BIRC6: variants seen among roughly 807,000 people sequenced by gnomAD.
The protein encoded by BIRC6 is baculoviral IAP repeat containing 6.
A neutral mutation model predicts 503.3 loss-of-function variants in BIRC6; 98 were observed. The ratio of observed to expected loss-of-function variants is 0.19; its 90% CI spans 0.17 to 0.23. The LOEUF is 0.23. Ranked by LOEUF, BIRC6 falls within the 10% of genes least tolerant of loss-of-function variation. BIRC6 has a pLI of 1.00. For synonymous variants in BIRC6, 2,240 were observed against 2,078.7 expected (o/e 1.08, Z -2.11); for missense variants, 5,360 against 5,806.0 (o/e 0.92, Z 2.50).
At chr2:32,551,006 C>G (rs1374340878) in intron 65 of BIRC6, among the ~76,000 whole-genome samples, 1 of 151,972 alleles carries the variant, frequency 6.6e-6, no homozygotes, top group Non-Finnish European at 1.5e-5. Flanking sequence ...AATTTGGTAA[C>G]TTGTCCAGTG....
Position 32,415,477 on chromosome 2 carries a change from A to C in BIRC6, c.2186A>C (p.Glu729Ala), listed in dbSNP as rs2042290801. The change falls in exon 10 of 74, where the codon GAG becomes GCG. Residue 729 changes from glutamate to alanine, a missense_variant. Around this residue, in one of 16 missense-constraint regions of BIRC6, gnomAD observed 700 missense variants for 739.3 expected, o/e 0.95. Transcript: ENST00000421745. ...AGGCTGCCAAAGTTTGCAGAGGAGGAGAATCTTTGTATAGACTCAATAACT... is the reference window on the plus strand; with the variant it reads ...AGGCTGCCAAAGTTTGCAGAGGAGGCGAATCTTTGTATAGACTCAATAACT... Reference protein sequence around the residue: ...CLRLPKFAEEENLCIDSITPC... With the variant: ...CLRLPKFAEEANLCIDSITPC... The C allele has an allele frequency of 6.2e-7, 1 of 1,613,832 alleles. No individual in the cohort carries two copies. The highest frequency in any genetic ancestry group is 8.5e-7 in the Non-Finnish European group (1 of 1,179,900).
chr2:32,398,804 AGGT>A (rs2040271309), intron 6 of BIRC6, among the ~76,000 whole-genome samples: 1 of 152,140 alleles, frequency 6.6e-6, no homozygotes, highest in African/African-American at 2.4e-5. Context: ...GAAAGGGGTA[AGGT>A]ACGCTAGATT....
intron 55 of BIRC6, among the ~76,000 whole-genome samples, chr2:32,516,958 A>C (rs1031101223): frequency 1.3e-5 from 2 of 152,206 alleles, no homozygotes; most frequent in African/African-American, 4.8e-5. Flanking sequence ...AATAGTGCTC[A>C]TTCAAGTCAA....
At chr2:32,525,695 C>T in intron 59 of BIRC6, 67 bp downstream of exon 59, 1 of 1,462,942 alleles carries the variant, frequency 6.8e-7, no homozygotes, top group Non-Finnish European at 9.2e-7. Flanking sequence ...AAATCAGAGG[C>T]ACAGTCACCA....
chr2:32,478,807 A>G lies in BIRC6; in HGVS notation c.7241A>G (p.Asp2414Gly). 1.2e-6 allele frequency: 2 copies of G among 1,612,490 alleles called. No individual in the cohort carries two copies. The highest frequency in any genetic ancestry group is 1.7e-6 in the Non-Finnish European group (2 of 1,179,492). The change falls in exon 36 of 74, where the codon GAT becomes GGT. Residue 2414 changes from aspartate to glycine, a missense_variant. Asp to Gly is a moderately conservative substitution (Grantham distance 94). This residue lies in a region of BIRC6 where 2,299 missense variants were observed against 2,267.2 expected (regional missense o/e 1.01). Transcript: ENST00000421745. ...AQYSLTCMLQ[D>G]ILAGELLAPV... ...TATTCCTTAACTTGCATGCTACAAG[A>G]TATTTTAGCAGGTGTGTTAGGATTT... is the stretch of plus-strand genomic sequence containing the variant.
chr2:32,546,473 G>A (rs952276076), intron 63 of BIRC6, among the ~76,000 whole-genome samples: 1 of 151,902 alleles, frequency 6.6e-6, no homozygotes, highest in Admixed American at 6.6e-5. Context: ...CCAGCTACTC[G>A]GGAGGCTGAG....
At chr2:32,446,771 T>TTAA (rs1491460454) in intron 21 of BIRC6, among the ~76,000 whole-genome samples, 1 of 110,672 alleles carries the variant, frequency 9.0e-6, no homozygotes, top group Non-Finnish European at 1.9e-5. Context: ...TTTTTTTTTT[T>TTAA]ATTGATCATT....
chr2:32,557,865 GTCT>G (rs2058890381), intron 65 of BIRC6: 1 of 152,160 alleles, frequency 6.6e-6, no homozygotes, highest in Non-Finnish European at 1.5e-5. Context: ...CCCAGAAAAT[GTCT>G]TCATCTAGAG....
chr2:32,427,724 G>A (rs749137420), intron 10 of BIRC6, among the ~76,000 whole-genome samples: 1 of 151,946 alleles, frequency 6.6e-6, no homozygotes, highest in South Asian at 2.1e-4. Context: ...TCTGAAGTCC[G>A]AGAAGACATT....
intron 65 of BIRC6, among the ~76,000 whole-genome samples, chr2:32,561,527 A>G (rs1295693789): frequency 6.6e-6 from 1 of 151,960 alleles, no homozygotes; most frequent in African/African-American, 2.4e-5. Context: ...GGCATGAGCC[A>G]CTGTGCCCGC....
At chr2:32,389,604 T>G (rs1380825057) in intron 4 of BIRC6, among the ~76,000 whole-genome samples, 1 of 152,254 alleles carries the variant, frequency 6.6e-6, no homozygotes, top group Non-Finnish European at 1.5e-5. Flanking sequence ...ACGATTGAGG[T>G]TCTTACAAAA....
intron 29 of BIRC6, 80 bp downstream of exon 29, chr2:32,468,863 ATATTTTC>A: frequency 9.2e-7 from 1 of 1,086,410 alleles, no homozygotes; most frequent in Admixed American, 3.1e-5. Flanking sequence ...ATCTGTGTCA[ATATTTTC>A]TATTGTAAAT....
At chr2:32,602,830 G>T (rs965316465) in intron 70 of BIRC6, 176 bp from the exon 71 acceptor site, 8 of 464,714 alleles carry the variant, frequency 1.7e-5, no homozygotes, top group Non-Finnish European at 2.6e-5. Flanking sequence ...TCACAAATTT[G>T]AATCACATCT....
rs1472644865 is a variant in BIRC6 at position 32,585,464 on chromosome 2, C to T, written c.13356-8451C>T. ...GCGTGATCTTGGCTCACTGCAACCT[C>T]CGCCTCCCAGGTTCAAGTGATTCTT... On this transcript the variant is annotated intron_variant, in intron 66 of 73. Transcript: ENST00000421745. Among the ~76,000 whole-genome samples the T allele has an allele frequency of 2.0e-5, 3 of 151,898 alleles. No homozygotes were observed. The East Asian group carries it at 5.8e-4, about 29-fold the overall frequency.
intron 10 of BIRC6, among the ~76,000 whole-genome samples, chr2:32,425,789 G>C (rs1025985665): frequency 3.3e-5 from 5 of 152,208 alleles, no homozygotes; most frequent in Non-Finnish European, 7.3e-5. Context: ...ACCCAGGCAA[G>C]AGTCTATTCT....
chr2:32,583,219 G>T lies in BIRC6; in HGVS notation c.13355+7853G>T, dbSNP rs113010225. On this transcript the variant is annotated intron_variant, in intron 66 of 73. Transcript: ENST00000421745. Reference sequence around the variant, plus strand: ...GCTAGGGGTGTTTAATGGTGATTTAGTCTGTGTTTTGAAAGTTGACAATTC... The same window carrying T: ...GCTAGGGGTGTTTAATGGTGATTTATTCTGTGTTTTGAAAGTTGACAATTC... Among the ~76,000 whole-genome samples, 410 of 152,322 alleles carry T rather than the reference G, an allele frequency of 2.7e-3. 6 individuals carry two copies. Among genetic ancestry groups the T allele is most frequent in the African/African-American group, 9.4e-3 (391 of 41,562 alleles).
chr2:32,575,097 G>A, intron 65 of BIRC6, 59 bp from the exon 66 acceptor site: 1 of 1,554,250 alleles, frequency 6.4e-7, no homozygotes, highest in Non-Finnish European at 8.9e-7. Context: ...ACATTCCTGT[G>A]GACCTACTTT....
chr2:32,448,481 T>G (rs1312849618), intron 21 of BIRC6, among the ~76,000 whole-genome samples: 1 of 151,810 alleles, frequency 6.6e-6, no homozygotes, highest in South Asian at 2.1e-4. Flanking sequence ...AAACCCCGTC[T>G]CCACCAAAAA....
intron 66 of BIRC6, among the ~76,000 whole-genome samples, chr2:32,578,436 T>C (rs1384990288): frequency 6.6e-6 from 1 of 152,164 alleles, no homozygotes; most frequent in Non-Finnish European, 1.5e-5. Flanking sequence ...ATGTGTTCTG[T>C]TAATGTATCA....
Sources: allele counts gnomAD v4.1 joint callset (sites outside exome capture counted in the v4.1 genomes callset), GRCh38; gene constraint gnomAD v4.1.1; regional missense constraint gnomAD v4.1.1; transcripts MANE v1.5; gene names NCBI Gene and HGNC (gene_info 2026-07-23, HGNC 2026-07-21).